Variants in KIF14 observed in about 807,000 individuals in gnomAD.
KIF14 encodes kinesin family member 14, also known as kinesin-like protein KIF14.
A neutral mutation model predicts 176.2 loss-of-function variants in KIF14; 98 were observed. That is an observed-to-expected ratio of 0.56 (90% CI 0.47 to 0.66). The LOEUF (loss-of-function observed/expected upper bound fraction) is 0.66. Ranked by LOEUF, KIF14 falls within the 30% of genes least tolerant of loss-of-function variation. The pLI is 0.00. For synonymous variants in KIF14, 566 were observed against 632.2 expected (o/e 0.90, Z 1.57); for missense variants, 1,751 against 1,920.4 (o/e 0.91, Z 1.65).
intron 22 of KIF14, among the ~76,000 whole-genome samples, chr1:200,573,516 C>T (rs1657940134): frequency 6.9e-6 from 1 of 144,758 alleles, no homozygotes; most frequent in African/African-American, 2.6e-5. Context: ...TCACTGCAAG[C>T]TCCTCCGCCT....
intron 22 of KIF14, among the ~76,000 whole-genome samples, chr1:200,573,750 AT>A (rs1352213630): frequency 6.6e-6 from 1 of 152,190 alleles, no homozygotes; most frequent in East Asian, 1.9e-4. Context: ...AAATAGTTTC[AT>A]CTCTTTGAGG....
intron 21 of KIF14, among the ~76,000 whole-genome samples, chr1:200,577,388 G>T (rs546043705): frequency 6.6e-6 from 1 of 152,108 alleles, no homozygotes; most frequent in Non-Finnish European, 1.5e-5. Context: ...GAACTCCTGG[G>T]CTCAAGTGAT....
intron 1 of KIF14, 64 bp from the exon 2 acceptor site, chr1:200,618,902 A>T: frequency 1.8e-6 from 1 of 549,022 alleles, no homozygotes; most frequent in Non-Finnish European, 3.2e-6. Flanking sequence ...ATATAGAGAG[A>T]ACATCCCATT....
chr1:200,606,630 A>G, intron 6 of KIF14, 116 bp downstream of exon 6: 1 of 877,168 alleles, frequency 1.1e-6, no homozygotes, highest in East Asian at 2.4e-5. Context: ...ATAAATAGTT[A>G]CCCAGGGTTT....
Position 200,614,323 on chromosome 1 carries a change from G to T in KIF14, c.1450C>A (p.Gln484Lys). The T allele has an allele frequency of 6.3e-7, 1 of 1,574,908 alleles. No individual in the cohort carries two copies. Among genetic ancestry groups the T allele is most frequent in the Non-Finnish European group, 8.7e-7 (1 of 1,145,646 alleles). The change falls in exon 4 of 30, where the codon CAA becomes AAA. Residue 484 changes from glutamine to lysine, a missense_variant. Physicochemically the swap from Gln to Lys is moderately conservative, Grantham distance 53. Transcript: ENST00000367350. Reference protein sequence around the residue: ...LFSQVARKQTQEVSYHIEMSF... With the variant: ...LFSQVARKQTKEVSYHIEMSF... ...CAGGTATTATAAGAACATACCTCTT[G>T]GGTTTGTTTTCTGGCTACTTGAGAA...
At chr1:200,593,861 C>G in intron 14 of KIF14, 92 bp from the exon 15 acceptor site, 1 of 703,376 alleles carries the variant, frequency 1.4e-6, no homozygotes, top group Non-Finnish European at 2.5e-6. Context: ...TGGGCTATTC[C>G]TTTGGTGTTA....
intron 22 of KIF14, 94 bp from the exon 23 acceptor site, chr1:200,570,099 T>A: frequency 1.7e-6 from 1 of 574,948 alleles, no homozygotes; most frequent in Non-Finnish European, 2.9e-6. Flanking sequence ...AAATGGACAT[T>A]CATGTGTGTG....
At chr1:200,569,863 G>A in intron 23 of KIF14, 48 bp downstream of exon 23, 1 of 992,384 alleles carries the variant, frequency 1.0e-6, no homozygotes, top group South Asian at 1.5e-5. Flanking sequence ...GGTAGAACCA[G>A]GACTCAATGC....
chr1:200,597,828 A>G (rs1659428141), intron 14 of KIF14, among the ~76,000 whole-genome samples: 1 of 152,254 alleles, frequency 6.6e-6, no homozygotes, highest in Non-Finnish European at 1.5e-5. Context: ...AAAAGTTTAC[A>G]TACGCTATCA....
At chr1:200,599,417 C>A (rs1049370766) in intron 13 of KIF14, among the ~76,000 whole-genome samples, 2 of 152,178 alleles carry the variant, frequency 1.3e-5, no homozygotes, top group Non-Finnish European at 2.9e-5. Context: ...TCTTCCTTTT[C>A]TCTTCCTATT....
At chr1:200,563,091 G>T (rs1297310117) in intron 25 of KIF14, among the ~76,000 whole-genome samples, 1 of 152,154 alleles carries the variant, frequency 6.6e-6, no homozygotes, top group Non-Finnish European at 1.5e-5. Context: ...CCTCCTGAGG[G>T]AGAACAACGG....
chr1:200,568,093 A>G (rs570097673), intron 23 of KIF14, among the ~76,000 whole-genome samples: 1 of 152,332 alleles, frequency 6.6e-6, no homozygotes, highest in East Asian at 1.9e-4. Flanking sequence ...TCCCAAAGCT[A>G]GAAAGTGCTA....
intron 19 of KIF14, 123 bp downstream of exon 19, chr1:200,585,978 G>T: frequency 1.6e-6 from 1 of 620,914 alleles, no homozygotes; most frequent in Non-Finnish European, 2.5e-6. Context: ...ATCCAGAAAA[G>T]TCAACAACTA....
chr1:200,561,196 C>T (rs1329640242), intron 25 of KIF14, among the ~76,000 whole-genome samples: 2 of 149,792 alleles, frequency 1.3e-5, no homozygotes, highest in East Asian at 2.0e-4. Flanking sequence ...TGCTACTGCA[C>T]TCCAGCCGGG....
At chr1:200,558,813 C>G (rs776675924) in intron 27 of KIF14, among the ~76,000 whole-genome samples, 5 of 152,208 alleles carry the variant, frequency 3.3e-5, no homozygotes, top group Non-Finnish European at 4.4e-5. Context: ...AAACCCAGAT[C>G]TTTCCTAAGG....
Position 200,600,101 on chromosome 1 carries a change from T to C in KIF14, c.2313A>G (p.Glu771=). 1 of 1,600,510 alleles carries C rather than the reference T, an allele frequency of 6.2e-7. No individual in the cohort carries two copies. Among genetic ancestry groups the C allele is most frequent in the Non-Finnish European group, 8.5e-7 (1 of 1,169,610 alleles). The stretch of plus-strand genomic sequence containing the variant: ...TTCTTTTTTCAGCTTGTTCAAACTT[T>C]TCTTTCCACACTCTTTCCAAAGACA... The part of the protein sequence containing the change: ...DMAEMQRVWK[E]KFEQAEKRKL... The change falls in exon 13 of 30, where the codon GAA becomes GAG. Residue 771 remains glutamate (E), a synonymous_variant. Transcript: ENST00000367350.
At chr1:200,599,975 T>C (rs1165543110) in intron 13 of KIF14, 75 bp downstream of exon 13, 3 of 837,594 alleles carry the variant, frequency 3.6e-6, no homozygotes, top group Non-Finnish European at 5.8e-6. Flanking sequence ...TTTACATGCA[T>C]TGGCATATTG....
chr1:200,615,557 T>C lies in KIF14; in HGVS notation c.1165A>G (p.Thr389Ala), dbSNP rs1234559894. ...QVVFMSGKEI[T>A]VEHPDTKQVY... ...TGTTTCGTGTCAGGGTGTTCCACAG[T>C]TATTTCTTTCCCACTCATGAAGACT... Residue 389 changes from threonine (T) to alanine (A), a missense_variant, in exon 3 of 30, where the codon ACT becomes GCT. Thr to Ala is a moderately conservative substitution (Grantham distance 58). Transcript: ENST00000367350. The C allele has an allele frequency of 3.1e-6, 5 of 1,613,788 alleles. No individual in the cohort carries two copies. Among genetic ancestry groups the C allele is most frequent in the Non-Finnish European group, 4.2e-6 (5 of 1,179,692 alleles).
rs1343858920 is a variant in KIF14 at position 200,565,623 on chromosome 1, G to A, written c.3708C>T (p.Ser1236=). The change falls in exon 24 of 30, where the codon TCC becomes TCT. Residue 1236 remains serine (S), a synonymous_variant. Transcript: ENST00000367350. ...ATTCTTTGCAAATTCCAGGAAGAAA[G>A]GACTCTGCTGAATTTGAGTAAATAG... is the stretch of plus-strand genomic sequence containing the variant. ...SSTIYSNSAE[S]FLPGICKELI... is the part of the protein sequence containing the mutation. The A allele has an allele frequency of 1.2e-6, 2 of 1,608,952 alleles. No individual in the cohort carries two copies. The highest frequency in any genetic ancestry group is 1.9e-4 in the Middle Eastern group (1 of 5,198).
Sources: allele counts gnomAD v4.1 joint callset (sites outside exome capture counted in the v4.1 genomes callset), GRCh38; gene constraint gnomAD v4.1.1; transcripts MANE v1.5; gene names NCBI Gene and HGNC (gene_info 2026-07-23, HGNC 2026-07-21).